Variants in VMO1 observed in about 807,000 individuals in gnomAD.
VMO1 encodes vitelline membrane outer layer 1 homolog.
VMO1 carries 13 observed loss-of-function variants against 10.1 expected under a neutral mutation model. That is an observed-to-expected ratio of 1.29 (90% CI 0.84 to 2.05). The LOEUF (loss-of-function observed/expected upper bound fraction) is 2.05, where lower values mean the gene tolerates loss of function less well. Among genes scored for constraint, VMO1 ranks in the 30% most tolerant of loss-of-function variants. The probability of loss-of-function intolerance (pLI) is 0.00; values close to 1 mark genes in which losing one functional copy is unlikely to be tolerated. For missense variants in VMO1, 304 were observed against 276.9 expected (o/e 1.10, Z -0.70); for synonymous variants, 117 against 122.2 (o/e 0.96, Z 0.28).
chr17:4,786,071 G>C lies in VMO1; in HGVS notation c.196-19C>G. 6.2e-7 allele frequency: 1 copy of C among 1,614,062 alleles called. No homozygotes were observed. Among genetic ancestry groups the C allele is most frequent in the South Asian group, 1.1e-5 (1 of 91,084 alleles). On this transcript the variant is annotated intron_variant, in intron 1 of 2. Coordinates refer to ENST00000328739, the MANE Select transcript of VMO1 (RefSeq NM_182566.3). ...GCTCCACCTGGGTATCGAGGAGAGG[G>C]GCAAGGGCGAGTCACGGAATTATCA...
At position 4,785,413 on chromosome 17, in the gene VMO1, G is replaced by A. The variant is rs1453519595; in HGVS notation, c.558C>T (p.Leu186=). ...LQTKIQGPRG[L]GDDTALNDAR... ...CGTCGTTCAGCGCAGTGTCATCGCC[G>A]AGGCCTCTAGGTCCCTGGATCTTGG... The change falls in exon 3 of 3, where the codon CTC becomes CTT. Residue 186 remains leucine (L), a synonymous_variant. Coordinates refer to ENST00000328739, the MANE Select transcript of VMO1 (RefSeq NM_182566.3). 1 of 1,614,126 alleles carries A rather than the reference G, an allele frequency of 6.2e-7. No individual in the cohort carries two copies. The highest frequency in any genetic ancestry group is 8.5e-7 in the Non-Finnish European group (1 of 1,180,018).
rs1265594431 is a variant in VMO1 at position 4,785,429 on chromosome 17, T to C, written c.542A>G (p.Gln181Arg). 1.2e-6 allele frequency: 2 copies of C among 1,614,200 alleles called. No homozygotes were observed. The highest frequency in any genetic ancestry group is 1.7e-6 in the Non-Finnish European group (2 of 1,180,038). ...KGACGLQTKI[Q>R]GPRGLGDDTA... is the part of the protein sequence containing the mutation. The stretch of plus-strand genomic sequence containing the variant: ...GTCATCGCCGAGGCCTCTAGGTCCC[T>C]GGATCTTGGTCTGCAGGCCGCACGC... Residue 181 changes from glutamine (Q) to arginine (R), a missense_variant, in exon 3 of 3, where the codon CAG becomes CGG. By Grantham distance (43) the Gln-to-Arg change is conservative. Coordinates refer to ENST00000328739, the MANE Select transcript of VMO1 (RefSeq NM_182566.3).
At chr17:4,785,713 C>T in intron 2 of VMO1, 54 bp from the exon 3 acceptor site, 18 of 1,547,208 alleles carry the variant, frequency 1.2e-5, no homozygotes, top group Admixed American at 2.0e-5. Context: ...TCACCAAGCC[C>T]TTGAGACTTT....
chr17:4,785,426 C>T lies in VMO1; in HGVS notation c.545G>A (p.Gly182Glu). The T allele has an allele frequency of 1.2e-6, 2 of 1,614,180 alleles. No homozygotes were observed. The highest frequency in any genetic ancestry group is 1.7e-6 in the Non-Finnish European group (2 of 1,180,030). The change falls in exon 3 of 3, where the codon GGA becomes GAA. Residue 182 changes from glycine (G) to glutamate (E), a missense_variant. By Grantham distance (98) the Gly-to-Glu change is moderately conservative. Transcript: ENST00000328739. Reference protein sequence around the residue: ...GACGLQTKIQGPRGLGDDTAL... With the variant: ...GACGLQTKIQEPRGLGDDTAL... ...AGTGTCATCGCCGAGGCCTCTAGGT[C>T]CCTGGATCTTGGTCTGCAGGCCGCA...
chr17:4,785,667 G>T lies in VMO1; in HGVS notation c.312-8C>A, dbSNP rs138473834. 2,770 of 1,605,770 alleles carry T rather than the reference G, an allele frequency of 1.7e-3. 43 individuals are homozygous for T. The African/African-American group carries it at 0.026, about 15-fold the overall frequency. ...TCACTCCATTCGCCCCAGCTGCAAG[G>T]CAAAGGGAGATGCGTTGCCTCTGCG... On this transcript the variant is annotated splice_region_variant and splice_polypyrimidine_tract_variant and intron_variant, in intron 2 of 2. Transcript: ENST00000328739.
Position 4,785,329 on chromosome 17 carries a change from T to G in VMO1, c.*33A>C. On this transcript the variant is annotated 3_prime_UTR_variant, in exon 3 of 3. Transcript: ENST00000328739. ...ATAGCAAGAGGTGGGACTAGCCTCC[T>G]GGCCCGGGAGAGAGCGGCGGCGGCG... 6.3e-7 allele frequency: 1 copy of G among 1,581,398 alleles called. No homozygotes were observed.
rs754883958 is a variant in VMO1, at chr17:4,786,303, C to CGCAGAAGCA, written c.41_49dup (p.Leu14_Leu16dup). The CGCAGAAGCA allele has an allele frequency of 7.5e-6, 12 of 1,606,302 alleles. No homozygotes were observed. The East Asian group carries it at 2.7e-4, about 36-fold the overall frequency. ...CTGTGCACATGTGAAACCAGTCGCC[C>CGCAGAAGCA]GCAGAAGCAGCAGCAGCGGCAGCAG... On this transcript the variant is annotated inframe_insertion, in exon 1 of 3. Transcript: ENST00000328739.
Position 4,785,652 on chromosome 17 carries a change from C to T in VMO1, c.319G>A (p.Glu107Lys), listed in dbSNP as rs780166935. Residue 107 changes from glutamate to lysine, a missense_variant, in exon 3 of 3, where the codon GAA becomes AAA. Physicochemically the swap from Glu to Lys is moderately conservative, Grantham distance 56 (BLOSUM62 1). Transcript: ENST00000328739. Reference protein sequence around the residue: ...VVESQSGSWGEWSEPLWCRGG... With the variant: ...VVESQSGSWGKWSEPLWCRGG... The stretch of plus-strand genomic sequence containing the variant: ...CGACACCACAGCGGCTCACTCCATT[C>T]GCCCCAGCTGCAAGGCAAAGGGAGA... 4 of 1,609,658 alleles carry T rather than the reference C, an allele frequency of 2.5e-6. No homozygotes were observed. The highest frequency in any genetic ancestry group is 2.7e-5 in the African/African-American group (2 of 74,902).
intron 2 of VMO1, 60 bp downstream of exon 2, chr17:4,785,877 T>A (rs1470665155): frequency 1.2e-6 from 2 of 1,606,258 alleles, no homozygotes; most frequent in Admixed American, 3.4e-5. Flanking sequence ...CGACGGAGTA[T>A]GTAATAGAGG....
In VMO1 at chr17:4,785,503, C is replaced by T; in HGVS notation, c.468G>A (p.Gly156=). ...CSDGEELQGP[G]LSWGDFGDWS... is the part of the protein sequence containing the mutation. The stretch of plus-strand genomic sequence containing the variant: ...AGTCTCCAAAGTCTCCCCAGCTCAG[C>T]CCAGGCCCCTGCAGTTCCTCGCCGT... Residue 156 remains glycine (G), a synonymous_variant, in exon 3 of 3, where the codon GGG becomes GGA. Coordinates refer to ENST00000328739, the MANE Select transcript of VMO1 (RefSeq NM_182566.3). 6.2e-7 allele frequency: 1 copy of T among 1,614,256 alleles called. No individual in the cohort carries two copies. Among genetic ancestry groups the T allele is most frequent in the Non-Finnish European group, 8.5e-7 (1 of 1,180,046 alleles).
intron 2 of VMO1, 75 bp from the exon 3 acceptor site, chr17:4,785,734 T>G: frequency 6.5e-7 from 1 of 1,527,574 alleles, no homozygotes; most frequent in Non-Finnish European, 8.8e-7. Context: ...CCAAGCCAAG[T>G]GCTGTGTATA....
Position 4,785,491 on chromosome 17 carries a change from T to G in VMO1, c.480A>C (p.Gly160=). Residue 160 remains glycine, a synonymous_variant, in exon 3 of 3, where the codon GGA becomes GGC. Coordinates refer to ENST00000328739, the MANE Select transcript of VMO1 (RefSeq NM_182566.3). ...AATGGTCACTCCAGTCTCCAAAGTC[T>G]CCCCAGCTCAGCCCAGGCCCCTGCA... ...EELQGPGLSW[G]DFGDWSDHCP... is the part of the protein sequence containing the mutation. 1.2e-6 allele frequency: 2 copies of G among 1,614,170 alleles called. No homozygotes were observed. The highest frequency in any genetic ancestry group is 8.5e-7 in the Non-Finnish European group (1 of 1,180,026).
Position 4,786,144 on chromosome 17 carries a change from G to T in VMO1, c.195+14C>A. ...CATCTCCGCCCTCTCCAGGACCTACGCCTGAGCCCCAACCTTGAGCGAGAA... is the reference window on the plus strand; with the variant it reads ...CATCTCCGCCCTCTCCAGGACCTACTCCTGAGCCCCAACCTTGAGCGAGAA... On this transcript the variant is annotated intron_variant, in intron 1 of 2. Coordinates refer to ENST00000328739, the MANE Select transcript of VMO1 (RefSeq NM_182566.3). The T allele has an allele frequency of 1.2e-6, 2 of 1,606,012 alleles. No individual in the cohort carries two copies. Among genetic ancestry groups the T allele is most frequent in the Non-Finnish European group, 1.7e-6 (2 of 1,173,784 alleles).
intron 2 of VMO1, 88 bp downstream of exon 2, chr17:4,785,849 G>A (rs1917465676): frequency 6.3e-7 from 1 of 1,583,304 alleles, no homozygotes; most frequent in South Asian, 1.1e-5. Context: ...AGCTCTGGCG[G>A]AGCCAGCCTG....
Position 4,785,455 on chromosome 17 carries a change from G to C in VMO1, c.516C>G (p.Gly172=), listed in dbSNP as rs867305384. The change falls in exon 3 of 3, where the codon GGC becomes GGG. Residue 172 remains glycine (G), a synonymous_variant. Transcript: ENST00000328739. ...FGDWSDHCPK[G]ACGLQTKIQG... is the part of the protein sequence containing the mutation. Reference sequence around the variant, plus strand: ...GGATCTTGGTCTGCAGGCCGCACGCGCCCTTGGGGCAATGGTCACTCCAGT... The same window carrying C: ...GGATCTTGGTCTGCAGGCCGCACGCCCCCTTGGGGCAATGGTCACTCCAGT... The C allele has an allele frequency of 6.2e-7, 1 of 1,614,210 alleles. No individual in the cohort carries two copies. The highest frequency in any genetic ancestry group is 1.6e-4 in the Middle Eastern group (1 of 6,062).
In VMO1 at chr17:4,785,513, T is replaced by C. The variant is rs766515508; in HGVS notation, c.458A>G (p.Gln153Arg). The C allele has an allele frequency of 6.2e-7, 1 of 1,614,118 alleles. No homozygotes were observed. Among genetic ancestry groups the C allele is most frequent in the Non-Finnish European group, 8.5e-7 (1 of 1,180,040 alleles). ...GTCTCCCCAGCTCAGCCCAGGCCCC[T>C]GCAGTTCCTCGCCGTCTGAACAGCG... is the stretch of plus-strand genomic sequence containing the variant. Reference protein sequence around the residue: ...RFRCSDGEELQGPGLSWGDFG... With the variant: ...RFRCSDGEELRGPGLSWGDFG... Residue 153 changes from glutamine (Q) to arginine (R), a missense_variant, in exon 3 of 3, where the codon CAG becomes CGG. Coordinates refer to ENST00000328739, the MANE Select transcript of VMO1 (RefSeq NM_182566.3).
chr17:4,785,368 G>A lies in VMO1; in HGVS notation c.603C>T (p.Arg201=). ...GCGGCGGCGGCGGCGCCGTTCAACTGCGGCAGCAGAATAAGCGCGCGTCGT... is the reference window on the plus strand; with the variant it reads ...GCGGCGGCGGCGGCGCCGTTCAACTACGGCAGCAGAATAAGCGCGCGTCGT... ...ALNDARLFCC[R]S is the part of the protein sequence containing the mutation. Residue 201 remains arginine, a synonymous_variant, in exon 3 of 3, where the codon CGC becomes CGT. Coordinates refer to ENST00000328739, the MANE Select transcript of VMO1 (RefSeq NM_182566.3). The A allele has an allele frequency of 2.5e-6, 4 of 1,602,258 alleles. No homozygotes were observed. Among genetic ancestry groups the A allele is most frequent in the Non-Finnish European group, 3.4e-6 (4 of 1,172,354 alleles).
chr17:4,785,802 C>T (rs1177684409), intron 2 of VMO1, 135 bp downstream of exon 2: 2 of 1,527,412 alleles, frequency 1.3e-6, no homozygotes, highest in Non-Finnish European at 1.8e-6. Flanking sequence ...AGGGGTCTTC[C>T]ATCCACCCTT....
chr17:4,785,335 G>C lies in VMO1; in HGVS notation c.*27C>G. On this transcript the variant is annotated 3_prime_UTR_variant, in exon 3 of 3. Transcript: ENST00000328739. Reference sequence around the variant, plus strand: ...AGAGGTGGGACTAGCCTCCTGGCCCGGGAGAGAGCGGCGGCGGCGGCGCCG... The same window carrying C: ...AGAGGTGGGACTAGCCTCCTGGCCCCGGAGAGAGCGGCGGCGGCGGCGCCG... 1.3e-6 allele frequency: 2 copies of C among 1,589,778 alleles called. No individual in the cohort carries two copies. Among genetic ancestry groups the C allele is most frequent in the Non-Finnish European group, 1.7e-6 (2 of 1,166,962 alleles).
Sources: allele counts gnomAD v4.1 joint callset, GRCh38; gene constraint gnomAD v4.1.1; transcripts MANE v1.5; gene names NCBI Gene and HGNC (gene_info 2026-07-23, HGNC 2026-07-21).